Variants in GRM7 observed in about 807,000 individuals in gnomAD.
GRM7 encodes the protein glutamate metabotropic receptor 7, also known as metabotropic glutamate receptor 7.
In GRM7, 35 loss-of-function variants were observed where a neutral mutation model predicts 84.5. The ratio of observed to expected loss-of-function variants is 0.41; its 90% CI spans 0.32 to 0.55. The LOEUF (loss-of-function observed/expected upper bound fraction) is 0.55, where lower values mean the gene tolerates loss of function less well. Ranked by LOEUF, GRM7 falls within the 20% of genes least tolerant of loss-of-function variation. GRM7 has a pLI of 0.19. For synonymous variants in GRM7, 487 were observed against 455.1 expected (o/e 1.07, Z -0.89); for missense variants, 1,003 against 1,194.6 (o/e 0.84, Z 2.36).
chr3:7,505,821 G>A (rs942238949), intron 7 of GRM7, among the ~76,000 whole-genome samples: 1 of 152,098 alleles, frequency 6.6e-6, no homozygotes, highest in African/African-American at 2.4e-5. Flanking sequence ...CCTGTGATGG[G>A]AAAGGCAGCC....
intron 2 of GRM7, among the ~76,000 whole-genome samples, chr3:7,224,994 G>C (rs563954825): frequency 1.3e-5 from 2 of 152,124 alleles, no homozygotes; most frequent in Non-Finnish European, 2.9e-5. Context: ...TTTTTCTTTA[G>C]TTTTTACAGC....
chr3:7,144,599 C>T (rs567643064), intron 1 of GRM7, among the ~76,000 whole-genome samples: 43 of 152,250 alleles, frequency 2.8e-4, no homozygotes, highest in African/African-American at 9.6e-4. Context: ...TTATTACTCC[C>T]ATGTATTAAG....
intron 1 of GRM7, among the ~76,000 whole-genome samples, chr3:6,923,007 T>C (rs1697174992): frequency 6.6e-6 from 1 of 151,816 alleles, no homozygotes; most frequent in Admixed American, 6.6e-5. Context: ...TTTCTTGTTT[T>C]ATTTTCTTTA....
At chr3:7,136,634 A>G (rs1181657933) in intron 1 of GRM7, among the ~76,000 whole-genome samples, 1 of 152,092 alleles carries the variant, frequency 6.6e-6, no homozygotes, top group Non-Finnish European at 1.5e-5. Flanking sequence ...AAAACTCCCA[A>G]ATACTGTGAG....
In GRM7 at chr3:7,171,510, C is replaced by A. The variant is rs115136057; in HGVS notation, c.736+24842C>A. Among the ~76,000 whole-genome samples the A allele has an allele frequency of 1.1e-3, 170 of 152,218 alleles. 1 individual carries two copies. The highest frequency in any genetic ancestry group is 3.6e-3 in the African/African-American group (148 of 41,526). ...ATAGATTTTATGGCACCACACACTTCCACTTTCAGAATATACTACAGCTAT... is the reference window on the plus strand; with the variant it reads ...ATAGATTTTATGGCACCACACACTTACACTTTCAGAATATACTACAGCTAT... On this transcript the variant is annotated intron_variant, in intron 2 of 9. Coordinates refer to ENST00000357716, the MANE Select transcript of GRM7 (RefSeq NM_000844.4).
chr3:7,720,052 A>G (rs1467697852), intron 9 of GRM7, among the ~76,000 whole-genome samples: 1 of 152,156 alleles, frequency 6.6e-6, no homozygotes, highest in Non-Finnish European at 1.5e-5. Flanking sequence ...ACTGTGCTAC[A>G]CACTTCACAT....
At chr3:7,044,259 A>G (rs1696727142) in intron 1 of GRM7, among the ~76,000 whole-genome samples, 1 of 152,258 alleles carries the variant, frequency 6.6e-6, no homozygotes, top group East Asian at 1.9e-4. Context: ...CTACTGTATG[A>G]CCATTCAATT....
chr3:7,662,984 T>C (rs1475502549), intron 8 of GRM7, among the ~76,000 whole-genome samples: 1 of 152,140 alleles, frequency 6.6e-6, no homozygotes, highest in Non-Finnish European at 1.5e-5. Context: ...TTGCTATAAA[T>C]GTTGTAGGGT....
intron 7 of GRM7, among the ~76,000 whole-genome samples, chr3:7,492,485 T>G (rs946480378): frequency 2.6e-5 from 4 of 152,278 alleles, no homozygotes; most frequent in Admixed American, 2.0e-4. Flanking sequence ...GCTGTATTTA[T>G]GAGAATGAAG....
chr3:7,489,104 C>T (rs978765626), intron 7 of GRM7, among the ~76,000 whole-genome samples: 3 of 152,064 alleles, frequency 2.0e-5, no homozygotes, highest in Non-Finnish European at 4.4e-5. Context: ...GATACATCTA[C>T]CCTCCTCAGA....
chr3:7,588,102 A>G (rs1464332358), intron 8 of GRM7, among the ~76,000 whole-genome samples: 1 of 152,086 alleles, frequency 6.6e-6, no homozygotes, highest in Non-Finnish European at 1.5e-5. Flanking sequence ...ATGGGTAATC[A>G]TAAGAATTGT....
At chr3:7,547,180 C>G (rs1245306845) in intron 7 of GRM7, among the ~76,000 whole-genome samples, 1 of 151,106 alleles carries the variant, frequency 6.6e-6, no homozygotes, top group East Asian at 1.9e-4. Flanking sequence ...AGCACAGCCC[C>G]CAGAGAGTGA....
At chr3:7,368,922 A>G (rs1364274033) in intron 4 of GRM7, among the ~76,000 whole-genome samples, 1 of 152,044 alleles carries the variant, frequency 6.6e-6, no homozygotes, top group Non-Finnish European at 1.5e-5. Flanking sequence ...AGTGTTTTTC[A>G]TGCACACTCT....
At chr3:7,651,044 CTT>C (rs60921581) in intron 8 of GRM7, among the ~76,000 whole-genome samples, 75,446 of 151,980 alleles carry the variant, frequency 0.5, 19,442 homozygotes, top group Non-Finnish European at 0.57. Context: ...AAGGCAGCCT[CTT>C]TTTCTTATTC....
At chr3:7,735,933 A>G (rs1702484657) in intron 9 of GRM7, among the ~76,000 whole-genome samples, 1 of 152,192 alleles carries the variant, frequency 6.6e-6, no homozygotes, top group Admixed American at 6.6e-5. Context: ...TGGTATGCAT[A>G]GCTTTAGGTT....
At chr3:7,704,333 T>C (rs988168152) in intron 9 of GRM7, among the ~76,000 whole-genome samples, 3 of 152,212 alleles carry the variant, frequency 2.0e-5, no homozygotes, top group African/African-American at 7.2e-5. Flanking sequence ...ATAAAAGAGT[T>C]ATAAAAAAAT....
chr3:7,159,787 A>T (rs972803114), intron 2 of GRM7, among the ~76,000 whole-genome samples: 5 of 152,154 alleles, frequency 3.3e-5, no homozygotes, highest in African/African-American at 1.2e-4. Context: ...TGGTACCTTT[A>T]AACCAGGACG....
At chr3:7,355,251 T>C (rs1693342773) in intron 4 of GRM7, among the ~76,000 whole-genome samples, 1 of 152,138 alleles carries the variant, frequency 6.6e-6, no homozygotes. Flanking sequence ...CTAGTACGAC[T>C]ATTTGGATTT....
chr3:7,316,759 G>A (rs1246295454), intron 4 of GRM7, among the ~76,000 whole-genome samples: 1 of 147,802 alleles, frequency 6.8e-6, no homozygotes, highest in Non-Finnish European at 1.5e-5. Context: ...AGTATCTGAA[G>A]GTAGGCAATT....
Sources: gnomAD v4.1 joint callset for allele counts (sites outside exome capture counted in the v4.1 genomes callset) on GRCh38, gnomAD v4.1.1 for gene constraint, MANE v1.5 for transcripts, NCBI Gene and HGNC (gene_info 2026-07-23, HGNC 2026-07-21) for gene names.